The following DLG2 variants were observed in gnomAD, a reference collection of about 807,000 sequenced individuals.
DLG2 encodes the protein discs large MAGUK scaffold protein 2, also known as disks large homolog 2.
In DLG2, 45 loss-of-function variants were observed where a neutral mutation model predicts 132.5. The ratio of observed to expected loss-of-function variants is 0.34; its 90% confidence interval spans 0.27 to 0.44. DLG2 has a LOEUF of 0.44. DLG2 is among the 20% of genes least tolerant of loss of function. DLG2 has a pLI of 1.00. For synonymous variants in DLG2, 424 were observed against 419.6 expected (o/e 1.01, Z -0.13); for missense variants, 1,045 against 1,196.9 (o/e 0.87, Z 1.87).
intron 21 of DLG2, among the ~76,000 whole-genome samples, chr11:83,487,571 A>G (rs2093598510): frequency 6.6e-6 from 1 of 152,062 alleles, no homozygotes; most frequent in Non-Finnish European, 1.5e-5. Context: ...GAGCATGACA[A>G]GTTTCTGCAA....
intron 6 of DLG2, among the ~76,000 whole-genome samples, chr11:84,894,524 G>A (rs756143685): frequency 6.6e-6 from 1 of 151,996 alleles, no homozygotes; most frequent in African/African-American, 2.4e-5. Flanking sequence ...CCTACTTGGT[G>A]GAGTACTTAG....
At chr11:84,849,678 C>G (rs1348734755) in intron 6 of DLG2, among the ~76,000 whole-genome samples, 1 of 152,026 alleles carries the variant, frequency 6.6e-6, no homozygotes, top group African/African-American at 2.4e-5. Flanking sequence ...GTCTTTCTTA[C>G]CTATGTTTTC....
intron 3 of DLG2, among the ~76,000 whole-genome samples, chr11:85,345,461 A>G (rs889835378): frequency 2.6e-5 from 4 of 152,092 alleles, no homozygotes; most frequent in African/African-American, 9.7e-5. Context: ...TTTTACACAT[A>G]TTTTTTATTT....
At chr11:85,534,632 A>G (rs1242143367) in intron 3 of DLG2, among the ~76,000 whole-genome samples, 1 of 152,192 alleles carries the variant, frequency 6.6e-6, no homozygotes, top group Non-Finnish European at 1.5e-5. Flanking sequence ...TTTGCTTAGG[A>G]TAAGGGCCTC....
chr11:85,094,154 T>G (rs988221497), intron 6 of DLG2, among the ~76,000 whole-genome samples: 37 of 152,360 alleles, frequency 2.4e-4, no homozygotes, highest in African/African-American at 8.9e-4. Context: ...AGGATTATGA[T>G]TGGCACTACA....
chr11:83,855,052 C>G (rs55781700), intron 16 of DLG2, among the ~76,000 whole-genome samples: 26,315 of 152,058 alleles, frequency 0.17, 2,784 homozygotes, highest in Middle Eastern at 0.36. Flanking sequence ...AAACAGATGA[C>G]AAATAAGCAC....
chr11:84,388,231 G>A (rs1309811750), intron 7 of DLG2, among the ~76,000 whole-genome samples: 1 of 152,140 alleles, frequency 6.6e-6, no homozygotes, highest in African/African-American at 2.4e-5. Flanking sequence ...GAGGGCGGAT[G>A]GCCGTGTCAT....
intron 9 of DLG2, among the ~76,000 whole-genome samples, chr11:84,117,805 AC>A (rs1169519371): frequency 6.6e-6 from 1 of 152,124 alleles, no homozygotes; most frequent in Non-Finnish European, 1.5e-5. Context: ...ATTAATGCAA[AC>A]TTTATTTTTA....
intron 7 of DLG2, among the ~76,000 whole-genome samples, chr11:84,407,784 G>A (rs536172957): frequency 6.6e-5 from 10 of 152,162 alleles, no homozygotes; most frequent in Non-Finnish European, 1.3e-4. Context: ...AGGTTGCACC[G>A]ATAGCCTGTG....
intron 18 of DLG2, among the ~76,000 whole-genome samples, chr11:83,708,391 C>T (rs1374497025): frequency 2.6e-5 from 4 of 152,128 alleles, no homozygotes; most frequent in East Asian, 3.8e-4. Flanking sequence ...ATATAATATA[C>T]GTTGCTATTT....
At chr11:84,285,845 T>TATC (rs1316894574) in intron 7 of DLG2, among the ~76,000 whole-genome samples, 1 of 152,242 alleles carries the variant, frequency 6.6e-6, no homozygotes, top group Non-Finnish European at 1.5e-5. Context: ...GCTTACAATG[T>TATC]ATCATCTATA....
chr11:84,592,323 G>C (rs1343753024), intron 6 of DLG2, among the ~76,000 whole-genome samples: 2 of 152,168 alleles, frequency 1.3e-5, no homozygotes, highest in African/African-American at 4.8e-5. Context: ...TGAGCAATGA[G>C]AAAGCAAAAA....
intron 6 of DLG2, among the ~76,000 whole-genome samples, chr11:84,674,030 A>G (rs1437138836): frequency 6.6e-6 from 1 of 152,194 alleles, no homozygotes; most frequent in African/African-American, 2.4e-5. Context: ...GAATAATGGC[A>G]CAAAACTCAC....
At chr11:83,760,314 A>G (rs940865355) in intron 18 of DLG2, among the ~76,000 whole-genome samples, 1 of 152,232 alleles carries the variant, frequency 6.6e-6, no homozygotes, top group African/African-American at 2.4e-5. Context: ...GCAGATAACA[A>G]AATTGAGGCT....
chr11:83,469,467 T>C (rs1229711064), intron 24 of DLG2, 94 bp from the exon 25 acceptor site: 16 of 887,022 alleles, frequency 1.8e-5, no homozygotes, highest in East Asian at 2.5e-5. Flanking sequence ...AACATTGATA[T>C]GTAGAAATAT....
chr11:85,378,688 T>C (rs1166974389), intron 3 of DLG2, among the ~76,000 whole-genome samples: 2 of 152,118 alleles, frequency 1.3e-5, no homozygotes, highest in Non-Finnish European at 2.9e-5. Context: ...GGAAATAAAA[T>C]AGACAACACC....
intron 6 of DLG2, among the ~76,000 whole-genome samples, chr11:84,929,586 T>C (rs1227439379): frequency 6.6e-6 from 1 of 152,068 alleles, no homozygotes; most frequent in African/African-American, 2.4e-5. Flanking sequence ...TGACACAATA[T>C]TCTGAACTGT....
At chr11:84,213,802 G>A (rs1181344559) in intron 8 of DLG2, among the ~76,000 whole-genome samples, 1 of 131,690 alleles carries the variant, frequency 7.6e-6, no homozygotes, top group South Asian at 2.4e-4. Context: ...CTGGGTGACA[G>A]AGCGAGACTC....
At chr11:83,821,767 C>T (rs2050863133) in intron 17 of DLG2, among the ~76,000 whole-genome samples, 1 of 151,858 alleles carries the variant, frequency 6.6e-6, no homozygotes, top group South Asian at 2.1e-4. Context: ...AAAGTGTTTT[C>T]CACTTCTTCC....
Sources: gnomAD v4.1 joint callset for allele counts (sites outside exome capture counted in the v4.1 genomes callset) on GRCh38, gnomAD v4.1.1 for gene constraint, MANE v1.5 for transcripts, NCBI Gene and HGNC (gene_info 2026-07-23, HGNC 2026-07-21) for gene names.